KEL: variants seen among roughly 807,000 people sequenced by gnomAD.
KEL encodes kell blood group glycoprotein.
In KEL, 96 loss-of-function variants were observed where a neutral mutation model predicts 99.5. That is an observed-to-expected ratio of 0.97 (90% confidence interval 0.82 to 1.14). The LOEUF is 1.14. KEL is among the 50% of genes most tolerant of loss of function. The pLI is 0.00. For synonymous variants in KEL, 355 were observed against 354.8 expected (o/e 1.00, Z -0.01); for missense variants, 926 against 924.2 (o/e 1.00, Z -0.03).
chr7:142,953,449 C>A, intron 9 of KEL: 13 of 922,330 alleles, frequency 1.4e-5, no homozygotes, highest in Non-Finnish European at 1.7e-5. Flanking sequence ...GCTAAAAAGA[C>A]ATACATACAC....
At chr7:142,946,915 T>C (rs1055515885) in intron 10 of KEL, among the ~76,000 whole-genome samples, 2 of 152,132 alleles carry the variant, frequency 1.3e-5, no homozygotes, top group African/African-American at 4.8e-5. Flanking sequence ...TATAAATTCA[T>C]AGAGCTGGAA....
chr7:142,958,289 C>A lies in KEL; in HGVS notation c.525+15G>T, dbSNP rs747034248. ...GTTATGTATCCAGAAAAGTTAATAT[C>A]CCAACTTTTCTCACCTCCTCAATAA... On this transcript the variant is annotated intron_variant, in intron 5 of 18. Transcript: ENST00000355265. The A allele has an allele frequency of 6.2e-7, 1 of 1,614,090 alleles. No homozygotes were observed. The highest frequency in any genetic ancestry group is 1.7e-5 in the Admixed American group (1 of 60,024).
At chr7:142,958,029 T>G in intron 5 of KEL, 56 bp from the exon 6 acceptor site, 1 of 1,588,600 alleles carries the variant, frequency 6.3e-7, no homozygotes. Context: ...CATCCCCCAT[T>G]GTCTGGATCG....
rs1796769577 is a variant in KEL at position 142,954,265 on chromosome 7, C to A, written c.843G>T (p.Arg281=). The A allele has an allele frequency of 6.2e-7, 1 of 1,613,942 alleles. No homozygotes were observed. The highest frequency in any genetic ancestry group is 1.1e-5 in the South Asian group (1 of 91,070). ...CCAGGGGCCTCAGAAACTGGAACAG[C>A]CGTGAAGTGATGGAGATTGACAAGG... ...HSSLSISITS[R]LFQFLRPLEQ... The change falls in exon 8 of 19, where the codon CGG becomes CGT. Residue 281 remains arginine (R), a synonymous_variant. Coordinates refer to ENST00000355265, the MANE Select transcript of KEL (RefSeq NM_000420.3).
At chr7:142,953,120 G>A (rs1350207327) in intron 9 of KEL, among the ~76,000 whole-genome samples, 1 of 152,136 alleles carries the variant, frequency 6.6e-6, no homozygotes, top group Non-Finnish European at 1.5e-5. Context: ...AGATGCTGCT[G>A]CCACCATGAA....
At position 142,943,860 on chromosome 7, in the gene KEL, C is replaced by T. The variant is rs1270312397; in HGVS notation, c.1515G>A (p.Leu505=). ...ACCGGACACAGCTCAGGACAGACTG[C>T]AGGAAGCTCGATCCAAGCTGTATCT... ...YNDIQLGSSF[L]QSVLSCVRSL... Residue 505 remains leucine (L), a synonymous_variant, in exon 14 of 19, where the codon CTG becomes CTA. Coordinates refer to ENST00000355265, the MANE Select transcript of KEL (RefSeq NM_000420.3). 6.2e-7 allele frequency: 1 copy of T among 1,614,098 alleles called. No individual in the cohort carries two copies. The highest frequency in any genetic ancestry group is 2.2e-5 in the East Asian group (1 of 44,872).
rs8176035 is a variant in KEL at position 142,943,600 on chromosome 7, T to C, written c.1593-4A>G. 6.2e-7 allele frequency: 1 copy of C among 1,607,582 alleles called. No homozygotes were observed. Among genetic ancestry groups the C allele is most frequent in the Non-Finnish European group, 8.5e-7 (1 of 1,174,262 alleles). On this transcript the variant is annotated splice_polypyrimidine_tract_variant and splice_region_variant and intron_variant, in intron 14 of 18. Transcript: ENST00000355265. Reference sequence around the variant, plus strand: ...GTCCCAAGGGGACACCTTCCACCTGTGGGAAGAGGACATGTGAACTCCAGC... The same window carrying C: ...GTCCCAAGGGGACACCTTCCACCTGCGGGAAGAGGACATGTGAACTCCAGC...
Position 142,952,622 on chromosome 7 carries a change from G to A in KEL, c.1090C>T (p.His364Tyr). Residue 364 changes from histidine to tyrosine, a missense_variant, in exon 10 of 19, where the codon CAC becomes TAC. His to Tyr is a moderately conservative substitution (Grantham distance 83). Coordinates refer to ENST00000355265, the MANE Select transcript of KEL (RefSeq NM_000420.3). ...GTCACCACCAGCCCTAAGATCATGT[G>A]GCTCTGCAGAAAGTCCCTATGGAGA... ...LLKQRDFLQS[H>Y]MILGLVVTLS... 1 of 1,614,062 alleles carries A rather than the reference G, an allele frequency of 6.2e-7. No homozygotes were observed.
Position 142,941,348 on chromosome 7 carries a change from G to A in KEL, c.2103C>T (p.Val701=), listed in dbSNP as rs766951553. 1.2e-6 allele frequency: 2 copies of A among 1,613,600 alleles called. No individual in the cohort carries two copies. The highest frequency in any genetic ancestry group is 3.3e-5 in the Admixed American group (2 of 60,026). Residue 701 remains valine (V), a synonymous_variant, in exon 19 of 19, where the codon GTC becomes GTT. Coordinates refer to ENST00000355265, the MANE Select transcript of KEL (RefSeq NM_000420.3). ...CTGGGGTGCTGCTGAGGGGCCCGTG[G>A]ACTCGGAGGTGTGGAGGGCTGTGAG... ...HDTHSPPHLR[V]HGPLSSTPAF... is the part of the protein sequence containing the mutation.
rs8176000 is a variant in KEL at position 142,952,472 on chromosome 7, C to T, written c.1203+37G>A. The T allele has an allele frequency of 7.6e-5, 122 of 1,610,626 alleles. No individual in the cohort carries two copies. The African/African-American group carries it at 1.3e-3, about 17-fold the overall frequency. ...CCCTCAAAAGAGTAGATACTCCTTT[C>T]GAGTATCTGGGCAAATACACCCGCT... On this transcript the variant is annotated intron_variant, in intron 10 of 18. Transcript: ENST00000355265.
chr7:142,960,877 G>A (rs762730350), intron 4 of KEL, 51 bp downstream of exon 4: 14 of 1,557,846 alleles, frequency 9.0e-6, no homozygotes, highest in Non-Finnish European at 1.2e-5. Flanking sequence ...GGTCATTTTA[G>A]GCACAGAGTC....
chr7:142,956,878 C>T (rs756737201), intron 6 of KEL, among the ~76,000 whole-genome samples: 9 of 152,198 alleles, frequency 5.9e-5, no homozygotes, highest in Non-Finnish European at 1.2e-4. Flanking sequence ...TTTTGTGGCT[C>T]TTTTGACAGT....
At chr7:142,946,555 T>G in intron 10 of KEL, 1 of 581,596 alleles carries the variant, frequency 1.7e-6, no homozygotes, top group Non-Finnish European at 3.1e-6. Flanking sequence ...TATTGCCTAT[T>G]GAATTTGACA....
In KEL at chr7:142,954,216, G is replaced by A. The variant is rs569425487; in HGVS notation, c.892C>T (p.Leu298Phe). The part of the protein sequence containing the change: ...PLEQRRAQGK[L>F]FQMVTIDQLK... Reference sequence around the variant, plus strand: ...TGGTCGATAGTGACCATCTGGAAGAGCTTGCCCTGTGCCCGCCGCTGCTCC... The same window carrying A: ...TGGTCGATAGTGACCATCTGGAAGAACTTGCCCTGTGCCCGCCGCTGCTCC... The change falls in exon 8 of 19, where the codon CTC becomes TTC. Residue 298 changes from leucine to phenylalanine, a missense_variant. Physicochemically the swap from Leu to Phe is conservative, Grantham distance 22. Transcript: ENST00000355265. 9 of 1,612,462 alleles carry A rather than the reference G, an allele frequency of 5.6e-6. No homozygotes were observed. Among genetic ancestry groups the A allele is most frequent in the Non-Finnish European group, 7.6e-6 (9 of 1,180,016 alleles).
At chr7:142,956,489 G>A (rs1227750722) in intron 6 of KEL, among the ~76,000 whole-genome samples, 1 of 150,912 alleles carries the variant, frequency 6.6e-6, no homozygotes, top group Non-Finnish European at 1.5e-5. Flanking sequence ...TGGCTTCTTA[G>A]AAATAATCAG....
chr7:142,945,030 C>T, intron 11 of KEL: 1 of 504,664 alleles, frequency 2.0e-6, no homozygotes, highest in South Asian at 2.1e-5. Context: ...AGACAGTGTC[C>T]TCACTCCTGG....
At chr7:142,953,776 C>G in intron 9 of KEL, 32 bp downstream of exon 9, 1 of 1,613,150 alleles carries the variant, frequency 6.2e-7, no homozygotes. Context: ...TCCTCCATTT[C>G]CATGATCTCC....
In KEL at chr7:142,961,478, G is replaced by C. The variant is rs139992997; in HGVS notation, c.105C>G (p.Pro35=). ...SQESTPEERL[P]VEGSRPWAVA... ...CTGCCCATGGCCTGCTCCCTTCCAC[G>C]GGCAGCCTCTCTTCTGGAGTGCTCT... Residue 35 remains proline (P), a synonymous_variant, in exon 3 of 19, where the codon CCC becomes CCG. Coordinates refer to ENST00000355265, the MANE Select transcript of KEL (RefSeq NM_000420.3). 6.2e-7 allele frequency: 1 copy of C among 1,604,680 alleles called. No homozygotes were observed. Among genetic ancestry groups the C allele is most frequent in the South Asian group, 1.1e-5 (1 of 89,900 alleles).
chr7:142,942,805 A>C (rs1796397792), intron 17 of KEL, 70 bp downstream of exon 17: 2 of 1,572,416 alleles, frequency 1.3e-6, no homozygotes, highest in South Asian at 2.2e-5. Flanking sequence ...GGAATGGTGG[A>C]AGGAAAACTT....
Sources: allele counts gnomAD v4.1 joint callset (sites outside exome capture counted in the v4.1 genomes callset), GRCh38; gene constraint gnomAD v4.1.1; transcripts MANE v1.5; gene names NCBI Gene and HGNC (gene_info 2026-07-23, HGNC 2026-07-21).